The following RAD23B variants were observed in gnomAD, a reference collection of about 807,000 sequenced individuals.
RAD23B encodes the protein RAD23 nucleotide excision repair protein B.
A neutral mutation model predicts 49.1 loss-of-function variants in RAD23B; 5 were observed. The observed-to-expected ratio is 0.10, with a 90% CI of 0.05 to 0.21. RAD23B has a LOEUF of 0.21. RAD23B is among the 10% of genes least tolerant of loss of function. RAD23B has a pLI of 1.00. For missense variants in RAD23B, 356 were observed against 486.7 expected (o/e 0.73, Z 2.53); for synonymous variants, 184 against 165.4 (o/e 1.11, Z -0.86).
intron 1 of RAD23B, among the ~76,000 whole-genome samples, chr9:107,288,403 A>G (rs1331453289): frequency 6.6e-5 from 10 of 152,216 alleles, no homozygotes; most frequent in Admixed American, 6.5e-4. Context: ...GAAATAGGAT[A>G]AAGTATTTGA....
At chr9:107,287,633 C>G (rs7035725) in intron 1 of RAD23B, among the ~76,000 whole-genome samples, 84,203 of 151,718 alleles carry the variant, frequency 0.55, 23,550 homozygotes, top group East Asian at 0.75. Context: ...TCAGGAGTTC[C>G]AGACCAGCCT....
intron 7 of RAD23B, among the ~76,000 whole-genome samples, chr9:107,323,160 C>T (rs1206200924): frequency 6.6e-6 from 1 of 152,016 alleles, no homozygotes; most frequent in Non-Finnish European, 1.5e-5. Context: ...GTACCAGCAC[C>T]CTGAAAAAGC....
Position 107,283,414 on chromosome 9 carries a change from G to C in RAD23B, c.-216G>C, listed in dbSNP as rs1217679684. The C allele has an allele frequency of 9.3e-6, 4 of 429,282 alleles. No homozygotes were observed. The highest frequency in any genetic ancestry group is 1.6e-5 in the Non-Finnish European group (4 of 246,780). The allele number at this position is 429,282 out of a possible 1,614,324, so 26.6% of individuals were successfully genotyped here. ...AGGAAGCACGGCGGCCCGAGTTCGC[G>C]GGGAAGGCCGCAGTCGCGGAGGCAG... On this transcript the variant is annotated 5_prime_UTR_variant, in exon 1 of 10. Transcript: ENST00000358015.
chr9:107,284,245 T>G, intron 1 of RAD23B: 6 of 984,100 alleles, frequency 6.1e-6, no homozygotes, highest in Non-Finnish European at 7.2e-6. Context: ...TACCCTTTTA[T>G]TTGCAAATGA....
At chr9:107,294,848 CT>C (rs1406905784) in intron 1 of RAD23B, among the ~76,000 whole-genome samples, 3 of 152,052 alleles carry the variant, frequency 2.0e-5, no homozygotes, top group Non-Finnish European at 4.4e-5. Flanking sequence ...CTAAGTAGCA[CT>C]TAAAGGGCTG....
At chr9:107,323,410 TTTC>T (rs1451535549) in intron 7 of RAD23B, among the ~76,000 whole-genome samples, 3 of 152,196 alleles carry the variant, frequency 2.0e-5, no homozygotes, top group East Asian at 3.8e-4. Flanking sequence ...TAAATATCTT[TTTC>T]TTCTTTGGTT....
chr9:107,326,181 G>T (rs540316172), intron 9 of RAD23B, among the ~76,000 whole-genome samples: 7 of 152,054 alleles, frequency 4.6e-5, no homozygotes, highest in Non-Finnish European at 1.0e-4. Flanking sequence ...TAGTTTTTTT[G>T]TGATGTTTTT....
Position 107,322,106 on chromosome 9 carries a change from AC to A in RAD23B, c.806del (p.Thr269LysfsTer20), listed in dbSNP as rs1438558205. 6.2e-7 allele frequency: 1 copy of A among 1,606,774 alleles called. No individual in the cohort carries two copies. The highest frequency in any genetic ancestry group is 1.3e-5 in the African/African-American group (1 of 74,680). ...AACTACGACAGCAACAACTACAACAACAAGTTCTGGAGGTAAAGCGGAATCT... is the reference window on the plus strand; with the variant it reads ...AACTACGACAGCAACAACTACAACAAAAGTTCTGGAGGTAAAGCGGAATCT... Reference protein sequence around the residue: ...AATTTATTTTTSSGGHPLEFL... With the variant: ...AATTTATTTTXSSGGHPLEFL... On this transcript the variant is annotated frameshift_variant, in exon 7 of 10. Coordinates refer to ENST00000358015, the MANE Select transcript of RAD23B (RefSeq NM_002874.5). LOFTEE classifies it high-confidence loss of function.
At chr9:107,319,134 T>TTC (rs1423260421) in intron 6 of RAD23B, among the ~76,000 whole-genome samples, 1 of 133,982 alleles carries the variant, frequency 7.5e-6, no homozygotes, top group Non-Finnish European at 1.6e-5. Flanking sequence ...TTTTCTTTTT[T>TTC]TTTTTTTTTT....
intron 1 of RAD23B, among the ~76,000 whole-genome samples, chr9:107,285,849 A>T (rs1458354717): frequency 1.3e-5 from 2 of 152,200 alleles, no homozygotes; most frequent in Non-Finnish European, 1.5e-5. Context: ...TTTTATTTTA[A>T]TGACTTTAGG....
rs761326271 is a variant in RAD23B at position 107,322,066 on chromosome 9, G to C, written c.765G>C (p.Val255=). Reference sequence around the variant, plus strand: ...CTGGGGCTCCTCAGTCTTCAGCAGTGGCTGCAGCTGCAGCAACTACGACAG... The same window carrying C: ...CTGGGGCTCCTCAGTCTTCAGCAGTCGCTGCAGCTGCAGCAACTACGACAG... The part of the protein sequence containing the change: ...ASTGAPQSSA[V]AAAAATTTAT... Residue 255 remains valine (V), a synonymous_variant, in exon 7 of 10, where the codon GTG becomes GTC. Coordinates refer to ENST00000358015, the MANE Select transcript of RAD23B (RefSeq NM_002874.5). 5.5e-5 allele frequency: 89 copies of C among 1,611,622 alleles called. No homozygotes were observed. Among genetic ancestry groups the C allele is most frequent in the Non-Finnish European group, 7.0e-5 (83 of 1,178,928 alleles).
Position 107,300,215 on chromosome 9 carries a change from T to C in RAD23B, c.141T>C (p.Ile47=). The change falls in exon 2 of 10, where the codon ATT becomes ATC. Residue 47 remains isoleucine, a synonymous_variant. Transcript: ENST00000358015. ...DAFPVAGQKL[I]YAGKILNDDT... Reference sequence around the variant, plus strand: ...TTCCAGTAGCAGGTCAAAAATTAATTTATGCAGGTATGAATTAAATATTAA... The same window carrying C: ...TTCCAGTAGCAGGTCAAAAATTAATCTATGCAGGTATGAATTAAATATTAA... The C allele has an allele frequency of 6.2e-7, 1 of 1,607,754 alleles. No homozygotes were observed. Among genetic ancestry groups the C allele is most frequent in the Non-Finnish European group, 8.5e-7 (1 of 1,177,104 alleles).
At chr9:107,309,678 T>G (rs1289838382) in intron 4 of RAD23B, among the ~76,000 whole-genome samples, 1 of 152,148 alleles carries the variant, frequency 6.6e-6, no homozygotes, top group Non-Finnish European at 1.5e-5. Flanking sequence ...ACGCCTGTAA[T>G]CCCAGCACTT....
At chr9:107,310,928 G>A (rs11573675) in intron 4 of RAD23B, among the ~76,000 whole-genome samples, 8,975 of 152,260 alleles carry the variant, frequency 0.059, 380 homozygotes, top group South Asian at 0.12. Flanking sequence ...AATATAATGT[G>A]TGTGTTGTTT....
Position 107,331,475 on chromosome 9 carries a change from A to G in RAD23B, c.*1819A>G. On this transcript the variant is annotated 3_prime_UTR_variant, in exon 10 of 10. Transcript: ENST00000358015. Reference sequence around the variant, plus strand: ...CTGAGATCACACCACTGCCATAAACATGACAGGCTTTTGGACTTTGTATTA... The same window carrying G: ...CTGAGATCACACCACTGCCATAAACGTGACAGGCTTTTGGACTTTGTATTA... 1 of 528,718 alleles carries G rather than the reference A, an allele frequency of 1.9e-6. No individual in the cohort carries two copies. The allele number at this position is 528,718 out of a possible 1,614,324, so 32.8% of individuals were successfully genotyped here.
At chr9:107,317,115 T>C (rs1827014302) in intron 5 of RAD23B, among the ~76,000 whole-genome samples, 1 of 151,958 alleles carries the variant, frequency 6.6e-6, no homozygotes, top group African/African-American at 2.4e-5. Context: ...TGTGTGTGTG[T>C]GTGTGTTTAC....
rs758853076 is a variant in RAD23B, at chr9:107,331,680, A to G, written c.*2024A>G. On this transcript the variant is annotated 3_prime_UTR_variant, in exon 10 of 10. Coordinates refer to ENST00000358015, the MANE Select transcript of RAD23B (RefSeq NM_002874.5). The stretch of plus-strand genomic sequence containing the variant: ...CTCTGTCTACTCAGATCATAGTGAA[A>G]ACTGGAAACAAAAAAAAAAAACAGC... 1.3e-5 allele frequency: 9 copies of G among 674,902 alleles called. No individual in the cohort carries two copies. The highest frequency in any genetic ancestry group is 2.2e-5 in the Non-Finnish European group (8 of 369,936). 41.8% of individuals were successfully genotyped at this position (674,902 alleles called of 1,614,324 possible).
At chr9:107,320,034 A>C (rs1827077647) in intron 6 of RAD23B, among the ~76,000 whole-genome samples, 1 of 152,218 alleles carries the variant, frequency 6.6e-6, no homozygotes, top group Non-Finnish European at 1.5e-5. Context: ...TCTAGGTTGT[A>C]CTTCTGTTAA....
intron 6 of RAD23B, 136 bp downstream of exon 6, chr9:107,319,015 G>A (rs939080902): frequency 1.3e-6 from 1 of 794,192 alleles, no homozygotes. Flanking sequence ...TTTCTAGTAT[G>A]TTTGTATTTT....
Sources: allele counts gnomAD v4.1 joint callset (sites outside exome capture counted in the v4.1 genomes callset), GRCh38; gene constraint gnomAD v4.1.1; transcripts MANE v1.5; gene names NCBI Gene and HGNC (gene_info 2026-07-23, HGNC 2026-07-21).